The following EIF2AK2 variants were observed in gnomAD, a reference collection of about 807,000 sequenced individuals.
EIF2AK2 encodes interferon-induced, double-stranded RNA-activated protein kinase.
EIF2AK2 carries 40 observed loss-of-function variants against 70.5 expected under a neutral mutation model. The ratio of observed to expected loss-of-function variants is 0.57; its 90% CI spans 0.44 to 0.74. EIF2AK2 has a LOEUF of 0.74. EIF2AK2 is among the 30% of genes least tolerant of loss of function. The probability of loss-of-function intolerance (pLI) is 0.00; values close to 1 mark genes in which losing one functional copy is unlikely to be tolerated. For synonymous variants in EIF2AK2, 198 were observed against 220.9 expected (o/e 0.90, Z 0.92); for missense variants, 555 against 644.3 (o/e 0.86, Z 1.50).
intron 13 of EIF2AK2, among the ~76,000 whole-genome samples, chr2:37,116,021 C>T (rs776177395): frequency 1.9e-4 from 29 of 151,974 alleles, no homozygotes; most frequent in Non-Finnish European, 2.8e-4. Context: ...CTCAGCCTCC[C>T]GAGGAGCTGG....
Position 37,147,783 on chromosome 2 carries a change from AC to A in EIF2AK2, c.23del (p.Gly8ValfsTer16). ...ATGTATTAAGTTCCTCCATGAAGAAACCTGCTGAAAGATCACCAGCCATTTC... is the reference window on the plus strand; with the variant it reads ...ATGTATTAAGTTCCTCCATGAAGAAACTGCTGAAAGATCACCAGCCATTTC... MAGDLSA[G>X]FFMEELNTYR... On this transcript the variant is annotated frameshift_variant, in exon 3 of 17. Coordinates refer to ENST00000233057, the MANE Select transcript of EIF2AK2 (RefSeq NM_001135651.3). LOFTEE classifies it high-confidence loss of function. The A allele has an allele frequency of 6.2e-7, 1 of 1,613,244 alleles. No homozygotes were observed. Among genetic ancestry groups the A allele is most frequent in the Non-Finnish European group, 8.5e-7 (1 of 1,179,516 alleles).
At position 37,148,495 on chromosome 2, in the gene EIF2AK2, C is replaced by A. The variant is rs1465262479; in HGVS notation, c.-17+362G>T. The A allele has an allele frequency of 6.9e-6, 4 of 577,592 alleles. 1 individual carries two copies. Among genetic ancestry groups the A allele is most frequent in the East Asian group, 3.4e-5 (1 of 29,054 alleles). The allele number at this position is 577,592 out of a possible 1,614,324, so 35.8% of individuals were successfully genotyped here. A position where few individuals can be genotyped will look rare whatever the true frequency, so the allele number is the denominator to read the frequency against. On this transcript the variant is annotated intron_variant, in intron 2 of 16. Coordinates refer to ENST00000233057, the MANE Select transcript of EIF2AK2 (RefSeq NM_001135651.3). ...TCAGCCCGTGACCTAGATCTCTAGA[C>A]AAAATAAAACAAGGAAAATATGCTA... is the stretch of plus-strand genomic sequence containing the variant.
chr2:37,139,865 T>G, intron 5 of EIF2AK2, 108 bp from the exon 6 acceptor site: 1 of 1,130,068 alleles, frequency 8.8e-7, no homozygotes, highest in South Asian at 1.6e-5. Context: ...ATAACACCAA[T>G]TTATTAGATA....
In EIF2AK2 at chr2:37,141,531, GAA is replaced by G; in HGVS notation, c.389+20_389+21del. On this transcript the variant is annotated intron_variant, in intron 5 of 16. Transcript: ENST00000233057. ...TTGCTTAAATACAATGAAACAGAAAGAAAAGCCAAATTATGTCTTACCCTTCT... is the reference window on the plus strand; with the variant it reads ...TTGCTTAAATACAATGAAACAGAAAGAAGCCAAATTATGTCTTACCCTTCT... 2 of 1,600,318 alleles carry G rather than the reference GAA, an allele frequency of 1.2e-6. No individual in the cohort carries two copies. Among genetic ancestry groups the G allele is most frequent in the South Asian group, 2.3e-5 (2 of 86,908 alleles).
At chr2:37,147,428 C>T (rs1352849490) in intron 3 of EIF2AK2, among the ~76,000 whole-genome samples, 1 of 151,010 alleles carries the variant, frequency 6.6e-6, no homozygotes, top group African/African-American at 2.4e-5. Flanking sequence ...CGTCATTTAG[C>T]ATTAGGTATA....
rs1673932011 is a variant in EIF2AK2, at chr2:37,105,409, G to A, written c.*1864C>T. 1 of 152,278 alleles carries A rather than the reference G, an allele frequency of 6.6e-6. No homozygotes were observed. The highest frequency in any genetic ancestry group is 1.9e-4 in the East Asian group (1 of 5,156). 9.4% of individuals were successfully genotyped at this position (152,278 alleles called of 1,614,324 possible). On this transcript the variant is annotated 3_prime_UTR_variant, in exon 17 of 17. Transcript: ENST00000233057. ...AATCTATTAGTTCCCTCAAGAGCCG[G>A]TTATTTAAAAAGAGCCTGGCACCTT...
rs1326567613 is a variant in EIF2AK2, at chr2:37,138,567, A to C, written c.535T>G (p.Ser179Ala). 1 of 1,614,148 alleles carries C rather than the reference A, an allele frequency of 6.2e-7. No individual in the cohort carries two copies. The highest frequency in any genetic ancestry group is 1.6e-4 in the Middle Eastern group (1 of 6,062). The part of the protein sequence containing the change: ...ETSVKSDYLS[S>A]GSFATTCESQ... ...TCACACGTAGTAGCAAAAGAACCAG[A>C]GGACAGGTAGTCAGATTTCTGAAAG... Residue 179 changes from serine (S) to alanine (A), a missense_variant, in exon 7 of 17, where the codon TCT (serine) becomes GCT (alanine). Physicochemically the swap from Ser to Ala is moderately conservative, Grantham distance 99. Coordinates refer to ENST00000233057, the MANE Select transcript of EIF2AK2 (RefSeq NM_001135651.3).
At chr2:37,126,126 A>G (rs4648210) in intron 11 of EIF2AK2, among the ~76,000 whole-genome samples, 163 bp downstream of exon 11, 1,576 of 152,292 alleles carry the variant, frequency 0.01, 28 homozygotes, top group African/African-American at 0.036. Context: ...GTAAAGTGAG[A>G]TCATCTCGGA....
Position 37,103,318 on chromosome 2 carries a change from CCCGAGTAGCTGGGAT to C in EIF2AK2, c.*3940_*3954del, listed in dbSNP as rs1167238653. On this transcript the variant is annotated 3_prime_UTR_variant, in exon 17 of 17. Transcript: ENST00000233057. ...TCAAGCGATTCTCCTGCCACGGACTCCCGAGTAGCTGGGATTACAGGCGCCTACCACCACACCCAG... is the reference window on the plus strand; with the variant it reads ...TCAAGCGATTCTCCTGCCACGGACTCTACAGGCGCCTACCACCACACCCAG... 1 of 152,070 alleles carries C rather than the reference CCCGAGTAGCTGGGAT, an allele frequency of 6.6e-6. No individual in the cohort carries two copies. Among genetic ancestry groups the C allele is most frequent in the African/African-American group, 2.4e-5 (1 of 41,312 alleles). The allele number at this position is 152,070 out of a possible 1,614,324, so 9.4% of individuals were successfully genotyped here.
At chr2:37,139,916 A>C (rs1675270015) in intron 5 of EIF2AK2, among the ~76,000 whole-genome samples, 159 bp from the exon 6 acceptor site, 1 of 152,248 alleles carries the variant, frequency 6.6e-6, no homozygotes, top group African/African-American at 2.4e-5. Context: ...ACCCTCAGTA[A>C]CATGCCTGAC....
chr2:37,148,823 T>C, intron 2 of EIF2AK2, 34 bp downstream of exon 2: 1 of 833,684 alleles, frequency 1.2e-6, no homozygotes. Context: ...TGATGCCACT[T>C]TTCTGAGTGC....
rs1478238773 is a variant in EIF2AK2, at chr2:37,103,338, G to A, written c.*3935C>T. 6.6e-6 allele frequency: 1 copy of A among 152,226 alleles called. No individual in the cohort carries two copies. Among genetic ancestry groups the A allele is most frequent in the Non-Finnish European group, 1.5e-5 (1 of 68,224 alleles). The allele number at this position is 152,226 out of a possible 1,614,324, so 9.4% of individuals were successfully genotyped here. Reference sequence around the variant, plus strand: ...GGACTCCCGAGTAGCTGGGATTACAGGCGCCTACCACCACACCCAGCTAAT... The same window carrying A: ...GGACTCCCGAGTAGCTGGGATTACAAGCGCCTACCACCACACCCAGCTAAT... On this transcript the variant is annotated 3_prime_UTR_variant, in exon 17 of 17. Coordinates refer to ENST00000233057, the MANE Select transcript of EIF2AK2 (RefSeq NM_001135651.3).
chr2:37,120,922 C>A (rs1674521419), intron 12 of EIF2AK2, among the ~76,000 whole-genome samples: 1 of 146,836 alleles, frequency 6.8e-6, no homozygotes, highest in African/African-American at 2.5e-5. Context: ...TGAGATCACG[C>A]CATTGTGCTC....
At chr2:37,121,617 ATTTTTT>A (rs34031780) in intron 12 of EIF2AK2, among the ~76,000 whole-genome samples, 1 of 122,168 alleles carries the variant, frequency 8.2e-6, no homozygotes, top group African/African-American at 3.0e-5. Flanking sequence ...TGGAGGCTTG[ATTTTTT>A]TTTTTTTTTT....
At position 37,152,326 on chromosome 2, in the gene EIF2AK2, G is replaced by C. The variant is rs888350950; in HGVS notation, c.-183-3303C>G. Among the ~76,000 whole-genome samples the C allele has an allele frequency of 2.6e-5, 4 of 152,086 alleles. No individual in the cohort carries two copies. The East Asian group carries it at 7.7e-4, about 29-fold the overall frequency. ...AGACAGGGCCTCACTCTGTTGCCCA[G>C]GCTGGAGTGCAGTAACATGATCTCA... On this transcript the variant is annotated intron_variant, in intron 1 of 16. Coordinates refer to ENST00000233057, the MANE Select transcript of EIF2AK2 (RefSeq NM_001135651.3).
At chr2:37,117,814 G>C (rs892678914) in intron 13 of EIF2AK2, among the ~76,000 whole-genome samples, 1 of 152,170 alleles carries the variant, frequency 6.6e-6, no homozygotes. Flanking sequence ...CCAACAGAAA[G>C]TGGTAAACAC....
chr2:37,124,902 T>C (rs926417937), intron 11 of EIF2AK2, among the ~76,000 whole-genome samples: 4 of 152,070 alleles, frequency 2.6e-5, no homozygotes, highest in African/African-American at 9.7e-5. Context: ...AATTACTGTA[T>C]TTTTTGTAGA....
chr2:37,109,257 G>A lies in EIF2AK2; in HGVS notation c.1416C>T (p.Tyr472=), dbSNP rs376530608. The A allele has an allele frequency of 1.4e-4, 230 of 1,614,154 alleles. No homozygotes were observed. Among genetic ancestry groups the A allele is most frequent in the South Asian group, 8.0e-4 (73 of 91,076 alleles). Residue 472 remains tyrosine, a synonymous_variant, in exon 15 of 17, where the codon TAC becomes TAT. Coordinates refer to ENST00000233057, the MANE Select transcript of EIF2AK2 (RefSeq NM_001135651.3). The part of the protein sequence containing the change: ...SQDYGKEVDL[Y]ALGLILAELL... The stretch of plus-strand genomic sequence containing the variant: ...GTTCAGCAAGAATTAGCCCCAAAGC[G>A]TAGAGGTCCACTTCCTTTCCATAGT...
chr2:37,137,707 G>A (rs1675175891), intron 8 of EIF2AK2, among the ~76,000 whole-genome samples: 2 of 152,270 alleles, frequency 1.3e-5, no homozygotes, highest in South Asian at 4.1e-4. Flanking sequence ...TATCCCATTG[G>A]TAGGAGAGAA....
Sources: gnomAD v4.1 joint callset for allele counts (sites outside exome capture counted in the v4.1 genomes callset) on GRCh38, gnomAD v4.1.1 for gene constraint, MANE v1.5 for transcripts, NCBI Gene and HGNC (gene_info 2026-07-23, HGNC 2026-07-21) for gene names.